DCC: variants seen among roughly 807,000 people sequenced by gnomAD.
DCC encodes DCC netrin 1 receptor, also known as netrin receptor DCC.
DCC carries 58 observed loss-of-function variants against 172.5 expected under a neutral mutation model. That is an observed-to-expected ratio of 0.34 (90% confidence interval 0.27 to 0.42). The LOEUF (loss-of-function observed/expected upper bound fraction) is 0.42, where lower values mean the gene tolerates loss of function less well. Among genes scored for constraint, DCC ranks in the 10% least tolerant of loss-of-function variants. The pLI, the probability that DCC is intolerant of heterozygous loss-of-function variation, is 1.00. For synonymous variants in DCC, 709 were observed against 644.5 expected (o/e 1.10, Z -1.52); for missense variants, 1,740 against 1,791.0 (o/e 0.97, Z 0.51).
intron 12 of DCC, among the ~76,000 whole-genome samples, chr18:53,256,921 C>A (rs1165249316): frequency 2.0e-5 from 3 of 152,154 alleles, no homozygotes; most frequent in African/African-American, 7.2e-5. Context: ...TTGAAGAGGT[C>A]CTTCACATCC....
At chr18:52,688,112 T>C (rs990657233) in intron 1 of DCC, among the ~76,000 whole-genome samples, 1 of 141,720 alleles carries the variant, frequency 7.1e-6, no homozygotes, top group African/African-American at 2.6e-5. Context: ...GTTTTGAAAA[T>C]GTTCAGGGAT....
chr18:52,595,552 G>A (rs533417646), intron 1 of DCC, among the ~76,000 whole-genome samples: 25 of 151,858 alleles, frequency 1.6e-4, no homozygotes, highest in African/African-American at 5.1e-4. Context: ...ATTCAAATCC[G>A]CACCCTCATT....
chr18:53,127,329 A>T (rs1375364650), intron 7 of DCC, among the ~76,000 whole-genome samples: 1 of 151,936 alleles, frequency 6.6e-6, no homozygotes, highest in African/African-American at 2.4e-5. Flanking sequence ...CTTAATGGTC[A>T]TCAGGATTAT....
chr18:53,276,185 A>T (rs1266384757), intron 12 of DCC, among the ~76,000 whole-genome samples: 1 of 152,150 alleles, frequency 6.6e-6, no homozygotes, highest in Non-Finnish European at 1.5e-5. Context: ...AATTATTTGC[A>T]TTTCTAATAG....
At chr18:53,205,039 T>A (rs2055602694) in intron 9 of DCC, among the ~76,000 whole-genome samples, 177 bp from the exon 10 acceptor site, 1 of 152,208 alleles carries the variant, frequency 6.6e-6, no homozygotes, top group Admixed American at 6.5e-5. Flanking sequence ...AATTTTAAAA[T>A]GAAGCGATTC....
intron 1 of DCC, among the ~76,000 whole-genome samples, chr18:52,683,355 A>C (rs1219306909): frequency 6.6e-6 from 1 of 152,166 alleles, no homozygotes; most frequent in Non-Finnish European, 1.5e-5. Context: ...TAGGATGAAC[A>C]CTACTAATCC....
At chr18:53,061,092 T>G (rs2042488994) in intron 5 of DCC, among the ~76,000 whole-genome samples, 1 of 152,170 alleles carries the variant, frequency 6.6e-6, no homozygotes, top group Non-Finnish European at 1.5e-5. Context: ...AATTATGCAC[T>G]GTTATTTGCA....
At position 52,417,605 on chromosome 18, in the gene DCC, G is replaced by A. The variant is rs930632382; in HGVS notation, c.91+76727G>A. ...CTTTTGTCTCTAAACTTCCCTTCTC[G>A]CTTTATTTCATTCATTTCATCTTCC... On this transcript the variant is annotated intron_variant, in intron 1 of 28. Transcript: ENST00000442544. Among the ~76,000 whole-genome samples, 19 of 151,980 alleles carry A rather than the reference G, an allele frequency of 1.3e-4. 1 individual carries two copies. The highest frequency in any genetic ancestry group is 4.2e-4 in the South Asian group (2 of 4,806).
chr18:52,708,181 C>T (rs2036240127), intron 1 of DCC, among the ~76,000 whole-genome samples: 1 of 152,128 alleles, frequency 6.6e-6, no homozygotes, highest in Non-Finnish European at 1.5e-5. Context: ...GTGGCTCACG[C>T]CTGTAATCCC....
chr18:53,368,889 T>C (rs899648333), intron 15 of DCC, among the ~76,000 whole-genome samples: 2 of 152,004 alleles, frequency 1.3e-5, no homozygotes, highest in Non-Finnish European at 2.9e-5. Flanking sequence ...TTCCCCTTTA[T>C]TCTCCTTTTT....
chr18:52,769,428 A>AT (rs1290003089), intron 2 of DCC, among the ~76,000 whole-genome samples: 2 of 123,778 alleles, frequency 1.6e-5, no homozygotes, highest in South Asian at 2.5e-4. Context: ...TGAATTATTC[A>AT]TTTTTTTCTG....
intron 25 of DCC, among the ~76,000 whole-genome samples, chr18:53,469,278 C>T (rs538456222): frequency 5.9e-5 from 9 of 152,254 alleles, no homozygotes; most frequent in African/African-American, 1.9e-4. Context: ...CAATTCTTAC[C>T]CCATTCCCTC....
At chr18:52,864,554 T>C (rs1416774171) in intron 2 of DCC, among the ~76,000 whole-genome samples, 19 of 152,200 alleles carry the variant, frequency 1.2e-4, no homozygotes, top group Admixed American at 1.2e-3. Context: ...CTGGGATATA[T>C]GTGCAGGTTT....
chr18:53,021,773 G>A (rs1480665199), intron 5 of DCC, among the ~76,000 whole-genome samples: 1 of 152,164 alleles, frequency 6.6e-6, no homozygotes, highest in Non-Finnish European at 1.5e-5. Flanking sequence ...CTGTAGGCTG[G>A]CCTAATAAGA....
At chr18:53,409,302 G>C (rs557510946) in intron 19 of DCC, among the ~76,000 whole-genome samples, 1 of 152,256 alleles carries the variant, frequency 6.6e-6, no homozygotes, top group South Asian at 2.1e-4. Context: ...TGTGGGTGAA[G>C]GTCCCCAGTC....
chr18:52,592,620 A>G (rs2033823650), intron 1 of DCC, among the ~76,000 whole-genome samples: 1 of 152,178 alleles, frequency 6.6e-6, no homozygotes, highest in Non-Finnish European at 1.5e-5. Flanking sequence ...TGGTAGAAAT[A>G]AGGAAATGAA....
intron 1 of DCC, among the ~76,000 whole-genome samples, chr18:52,710,116 T>C (rs1042022407): frequency 1.3e-5 from 2 of 152,234 alleles, no homozygotes; most frequent in East Asian, 3.9e-4. Flanking sequence ...ATTAGAGATA[T>C]GTGTAAGGAT....
At chr18:53,252,440 G>T (rs757901647) in intron 12 of DCC, among the ~76,000 whole-genome samples, 2 of 151,882 alleles carry the variant, frequency 1.3e-5, no homozygotes, top group Admixed American at 1.3e-4. Context: ...TTGTCAAATT[G>T]GGTTTCATAA....
chr18:52,422,541 A>G (rs1211655285), intron 1 of DCC, among the ~76,000 whole-genome samples: 1 of 152,216 alleles, frequency 6.6e-6, no homozygotes, highest in African/African-American at 2.4e-5. Flanking sequence ...GGAAGGATAT[A>G]CAAACTACAA....
Sources: allele counts gnomAD v4.1 joint callset (sites outside exome capture counted in the v4.1 genomes callset), GRCh38; gene constraint gnomAD v4.1.1; transcripts MANE v1.5; gene names NCBI Gene and HGNC (gene_info 2026-07-23, HGNC 2026-07-21).